CTNND2: variants seen among roughly 807,000 people sequenced by gnomAD.
CTNND2 encodes the protein catenin delta-2.
Under a neutral mutation model 144.4 loss-of-function variants are expected in CTNND2, and 22 were observed. The observed-to-expected ratio is 0.15, with a 90% CI of 0.11 to 0.22. CTNND2 has a LOEUF of 0.22. CTNND2 is among the 10% of genes least tolerant of loss of function. CTNND2 has a pLI of 1.00. For missense variants in CTNND2, 1,353 were observed against 1,618.8 expected, an observed-to-expected ratio of 0.84 and a Z score of 2.82; for synonymous variants, 751 against 695.6, an observed-to-expected ratio of 1.08 and a Z score of -1.25.
At chr5:11,708,776 C>T (rs1785861307) in intron 2 of CTNND2, among the ~76,000 whole-genome samples, 1 of 152,122 alleles carries the variant, frequency 6.6e-6, no homozygotes, top group African/African-American at 2.4e-5. Flanking sequence ...ACCACAAAAT[C>T]AAGATACAGA....
chr5:10,977,506 G>A (rs1736650440), intron 21 of CTNND2, among the ~76,000 whole-genome samples: 2 of 151,740 alleles, frequency 1.3e-5, no homozygotes, highest in Admixed American at 6.6e-5. Flanking sequence ...AGGCTGGAGT[G>A]CAGTAGTGCA....
intron 1 of CTNND2, among the ~76,000 whole-genome samples, chr5:11,739,082 T>G (rs74374592): frequency 0.015 from 2,330 of 152,284 alleles, 53 homozygotes; most frequent in African/African-American, 0.054. Context: ...ATTCATATAT[T>G]TCAACTGCTC....
chr5:11,128,138 G>A (rs1754864176), intron 12 of CTNND2, among the ~76,000 whole-genome samples: 1 of 152,206 alleles, frequency 6.6e-6, no homozygotes, highest in East Asian at 1.9e-4. Flanking sequence ...TGCTTTCCCT[G>A]GCTGGAGTCA....
intron 3 of CTNND2, among the ~76,000 whole-genome samples, chr5:11,537,445 A>G (rs1774316265): frequency 6.6e-6 from 1 of 152,192 alleles, no homozygotes; most frequent in African/African-American, 2.4e-5. Context: ...TTTGAAAAAA[A>G]TATGGGGTTG....
intron 2 of CTNND2, among the ~76,000 whole-genome samples, chr5:11,617,423 T>C (rs1485078682): frequency 2.6e-5 from 4 of 152,242 alleles, no homozygotes; most frequent in Non-Finnish European, 5.9e-5. Flanking sequence ...GTTTATGTTT[T>C]GCCTTCTATG....
At chr5:11,507,522 C>G (rs1771181950) in intron 3 of CTNND2, among the ~76,000 whole-genome samples, 1 of 152,114 alleles carries the variant, frequency 6.6e-6, no homozygotes, top group African/African-American at 2.4e-5. Flanking sequence ...CACATGGGCT[C>G]CTAGGTGTGG....
intron 2 of CTNND2, among the ~76,000 whole-genome samples, chr5:11,583,422 T>C (rs1466100578): frequency 6.6e-5 from 10 of 152,204 alleles, no homozygotes; most frequent in African/African-American, 2.4e-4. Context: ...AATTGAGCAA[T>C]GCCCATGGAT....
chr5:11,418,412 CA>C (rs1415557195), intron 3 of CTNND2, among the ~76,000 whole-genome samples: 11 of 151,682 alleles, frequency 7.3e-5, no homozygotes, highest in Admixed American at 7.2e-4. Flanking sequence ...GTCTCAAAAA[CA>C]AAACAAAACA....
chr5:11,571,750 T>G (rs1156922613), intron 2 of CTNND2, among the ~76,000 whole-genome samples: 1 of 152,162 alleles, frequency 6.6e-6, no homozygotes, highest in Non-Finnish European at 1.5e-5. Flanking sequence ...TCCATTCCCT[T>G]GGGTATAATA....
At chr5:11,593,521 G>A (rs1376291682) in intron 2 of CTNND2, among the ~76,000 whole-genome samples, 1 of 152,158 alleles carries the variant, frequency 6.6e-6, no homozygotes, top group Non-Finnish European at 1.5e-5. Context: ...GTAATTCCCA[G>A]GTGTCATGGG....
At chr5:11,424,087 A>C (rs755979969) in intron 3 of CTNND2, among the ~76,000 whole-genome samples, 5 of 152,222 alleles carry the variant, frequency 3.3e-5, no homozygotes, top group African/African-American at 4.8e-5. Context: ...TTTCGTTAAA[A>C]AGTTTAATGG....
chr5:11,670,810 C>T (rs563824003), intron 2 of CTNND2, among the ~76,000 whole-genome samples: 52 of 152,192 alleles, frequency 3.4e-4, no homozygotes, highest in Admixed American at 6.5e-4. Context: ...GAATTTGATC[C>T]TGTCATTATG....
chr5:11,143,898 T>A (rs1205196398), intron 12 of CTNND2, among the ~76,000 whole-genome samples: 1 of 151,574 alleles, frequency 6.6e-6, no homozygotes, highest in Non-Finnish European at 1.5e-5. Context: ...ATAGGGGCAG[T>A]CGCCAGGTCT....
chr5:11,545,715 T>G (rs1187892527), intron 3 of CTNND2, among the ~76,000 whole-genome samples: 1 of 143,834 alleles, frequency 7.0e-6, no homozygotes, highest in African/African-American at 2.5e-5. Flanking sequence ...AAAAGCTACA[T>G]TAAACATAAA....
intron 1 of CTNND2, among the ~76,000 whole-genome samples, chr5:11,867,730 C>G (rs1290745504): frequency 6.6e-6 from 1 of 152,062 alleles, no homozygotes; most frequent in African/African-American, 2.4e-5. Flanking sequence ...AATCACCCAG[C>G]AAATCAGTGA....
chr5:11,615,070 G>A (rs879538782), intron 2 of CTNND2, among the ~76,000 whole-genome samples: 7 of 152,136 alleles, frequency 4.6e-5, no homozygotes, highest in Non-Finnish European at 7.4e-5. Context: ...CAATGTAGAA[G>A]AGATCATTTC....
chr5:11,130,535 T>C (rs979274213), intron 12 of CTNND2, among the ~76,000 whole-genome samples: 2 of 152,194 alleles, frequency 1.3e-5, no homozygotes, highest in African/African-American at 4.8e-5. Context: ...CTCTATGAAA[T>C]GTCTGCTGAA....
In CTNND2 at chr5:11,059,639, T is replaced by C. The variant is rs970151089; in HGVS notation, c.2788+23057A>G. Among the ~76,000 whole-genome samples the C allele has an allele frequency of 3.9e-5, 6 of 152,304 alleles. No individual in the cohort carries two copies. In the South Asian group the frequency reaches 8.3e-4, roughly 21 times the overall value. On this transcript the variant is annotated intron_variant, in intron 16 of 21. Coordinates refer to ENST00000304623, the MANE Select transcript of CTNND2 (RefSeq NM_001332.4). ...GAAGCATCATGAATCTGTTGGAAAT[T>C]TGAAGGCAGAATCACCATGATTTCC...
At chr5:11,423,756 A>G (rs2149858309) in intron 3 of CTNND2, among the ~76,000 whole-genome samples, 2 of 152,360 alleles carry the variant, frequency 1.3e-5, no homozygotes, top group African/African-American at 4.8e-5. Context: ...TACTACAGGT[A>G]TATCAAACCC....
Sources: gnomAD v4.1 joint callset for allele counts (sites outside exome capture counted in the v4.1 genomes callset) on GRCh38, gnomAD v4.1.1 for gene constraint, MANE v1.5 for transcripts, NCBI Gene and HGNC (gene_info 2026-07-23, HGNC 2026-07-21) for gene names.